Variants in SLC35F4 observed in about 807,000 individuals in gnomAD.
SLC35F4 encodes the protein chromosome 14 open reading frame 36.
In SLC35F4, 24 loss-of-function variants were observed where a neutral mutation model predicts 44.2. The observed-to-expected ratio is 0.54, with a 90% confidence interval of 0.39 to 0.76. SLC35F4 has a LOEUF of 0.76. SLC35F4 is among the 30% of genes least tolerant of loss of function. SLC35F4 has a pLI of 0.00. For missense variants in SLC35F4, 562 were observed against 586.1 expected (o/e 0.96, Z 0.42); for synonymous variants, 238 against 223.6 (o/e 1.06, Z -0.57).
chr14:57,749,515 G>A (rs2076834502), intron 1 of SLC35F4, among the ~76,000 whole-genome samples: 1 of 151,454 alleles, frequency 6.6e-6, no homozygotes, highest in African/African-American at 2.4e-5. Context: ...GTCTGTGACG[G>A]GTTTAAAAAA....
At chr14:57,859,969 T>G (rs1219223954) in intron 1 of SLC35F4, among the ~76,000 whole-genome samples, 1 of 152,104 alleles carries the variant, frequency 6.6e-6, no homozygotes, top group African/African-American at 2.4e-5. Context: ...AGGTAGAATG[T>G]TCGAAGGAAT....
intron 1 of SLC35F4, among the ~76,000 whole-genome samples, chr14:57,678,742 C>G (rs1420940128): frequency 1.3e-5 from 2 of 150,498 alleles, no homozygotes; most frequent in Admixed American, 6.6e-5. Flanking sequence ...TCTGATAAAA[C>G]AGACTTTAAA....
intron 2 of SLC35F4, 29 bp downstream of exon 2, chr14:57,593,910 C>T (rs546274182): frequency 1.9e-5 from 31 of 1,608,300 alleles, no homozygotes; most frequent in Non-Finnish European, 2.2e-5. Context: ...TAGGATGTAC[C>T]GTTATTTAAG....
chr14:57,671,955 T>G (rs1350437984), intron 1 of SLC35F4, among the ~76,000 whole-genome samples: 1 of 152,084 alleles, frequency 6.6e-6, no homozygotes, highest in Non-Finnish European at 1.5e-5. Context: ...TGGCTTCCTG[T>G]GCTCCTAAAA....
chr14:57,753,268 C>T (rs560491053), intron 1 of SLC35F4, among the ~76,000 whole-genome samples: 4 of 152,316 alleles, frequency 2.6e-5, no homozygotes, highest in African/African-American at 9.6e-5. Context: ...TAGGACTCCT[C>T]CAAAGGAGCT....
At chr14:57,866,605 G>A (rs983607247), upstream of SLC35F4, among the ~76,000 whole-genome samples, 5 of 152,138 alleles carry the variant, frequency 3.3e-5, no homozygotes, top group South Asian at 2.1e-4. Flanking sequence ...CTGTCCATAC[G>A]GACCCTCCAT....
chr14:57,661,141 T>C (rs1185006337), intron 1 of SLC35F4, among the ~76,000 whole-genome samples: 2 of 152,166 alleles, frequency 1.3e-5, no homozygotes, highest in Non-Finnish European at 2.9e-5. Context: ...CCTTTCTTTT[T>C]ACAGACTCAA....
At chr14:57,771,536 C>T (rs1261111776) in intron 1 of SLC35F4, among the ~76,000 whole-genome samples, 1 of 150,738 alleles carries the variant, frequency 6.6e-6, no homozygotes. Context: ...AAATTGTTTT[C>T]CTGAAGTTAT....
At chr14:57,638,931 G>GCCTT (rs2073116833) in intron 1 of SLC35F4, among the ~76,000 whole-genome samples, 1 of 152,030 alleles carries the variant, frequency 6.6e-6, no homozygotes, top group African/African-American at 2.4e-5. Flanking sequence ...AATGGAGAGA[G>GCCTT]ACCAAGTGTT....
In SLC35F4 at chr14:57,633,653, A is replaced by G. The variant is rs1336778752; in HGVS notation, c.104-39529T>C. Among the ~76,000 whole-genome samples the G allele has an allele frequency of 2.6e-5, 4 of 151,832 alleles. No homozygotes were observed. The East Asian group carries it at 7.7e-4, about 29-fold the overall frequency. ...TAGTAAGATATAGAACAGTTTCATC[A>G]CCCCCAAACTCTCTCACGCTTTCCC... On this transcript the variant is annotated intron_variant, in intron 1 of 7. Coordinates refer to ENST00000556826, the MANE Select transcript of SLC35F4 (RefSeq NM_001306087.2).
At chr14:57,606,429 A>G (rs1437811207) in intron 1 of SLC35F4, among the ~76,000 whole-genome samples, 1 of 152,178 alleles carries the variant, frequency 6.6e-6, no homozygotes, top group Non-Finnish European at 1.5e-5. Flanking sequence ...CAAATAAGCA[A>G]CTGATTTTAA....
rs558225258 is a variant in SLC35F4 at position 57,945,706 on chromosome 14, C to T, written n.282+36207G>A. ...CTTTAAGGAATCTTCACACTGTTTT[C>T]CACAGTGGTTTTACTAGTTTACATT... On this transcript the variant is annotated intron_variant and non_coding_transcript_variant, in intron 1 of 1. Transcript: ENST00000556568. Among the ~76,000 whole-genome samples the T allele has an allele frequency of 2.0e-5, 3 of 152,206 alleles. No homozygotes were observed. The South Asian group carries it at 6.2e-4, about 32-fold the overall frequency.
chr14:57,720,484 G>A (rs2076056115), intron 1 of SLC35F4, among the ~76,000 whole-genome samples: 1 of 152,142 alleles, frequency 6.6e-6, no homozygotes, highest in Non-Finnish European at 1.5e-5. Flanking sequence ...ACTGGGAGAT[G>A]TTTTATTATG....
At chr14:57,943,882 G>A (rs1889960494) in intron 1 of SLC35F4, among the ~76,000 whole-genome samples, 1 of 152,198 alleles carries the variant, frequency 6.6e-6, no homozygotes, top group South Asian at 2.1e-4. Flanking sequence ...CCTGCTGGGA[G>A]TGAATTGGCA....
intron 1 of SLC35F4, among the ~76,000 whole-genome samples, chr14:57,805,727 G>A (rs1430036726): frequency 6.6e-6 from 1 of 152,146 alleles, no homozygotes; most frequent in Admixed American, 6.5e-5. Flanking sequence ...CATGGCACAC[G>A]TTTACCTATC....
intron 1 of SLC35F4, among the ~76,000 whole-genome samples, chr14:57,728,241 T>A (rs2076251864): frequency 6.6e-6 from 1 of 152,132 alleles, no homozygotes; most frequent in African/African-American, 2.4e-5. Flanking sequence ...TGGAATATCT[T>A]TTTCATCCCT....
intron 1 of SLC35F4, among the ~76,000 whole-genome samples, chr14:57,756,627 A>G (rs1243395179): frequency 6.6e-6 from 1 of 151,882 alleles, no homozygotes; most frequent in Non-Finnish European, 1.5e-5. Context: ...AGTCTTCTAT[A>G]TCCTTACTGA....
chr14:57,932,288 C>T (rs138901614), intron 1 of SLC35F4, among the ~76,000 whole-genome samples: 2 of 152,164 alleles, frequency 1.3e-5, no homozygotes, highest in African/African-American at 2.4e-5. Flanking sequence ...TCTCTTTATC[C>T]CCTCTCAAAA....
chr14:57,898,502 A>C (rs1016885970), intron 1 of SLC35F4, among the ~76,000 whole-genome samples: 1 of 152,236 alleles, frequency 6.6e-6, no homozygotes. Flanking sequence ...TTACTTGGAC[A>C]AAAACTAGAA....
Sources: gnomAD v4.1 joint callset for allele counts (sites outside exome capture counted in the v4.1 genomes callset) on GRCh38, gnomAD v4.1.1 for gene constraint, MANE v1.5 for transcripts, NCBI Gene and HGNC (gene_info 2026-07-23, HGNC 2026-07-21) for gene names.